Variants in ATG2A observed in about 807,000 individuals in gnomAD.
ATG2A encodes the protein autophagy-related protein 2 homolog A.
A neutral mutation model predicts 214.2 loss-of-function variants in ATG2A; 103 were observed. The observed-to-expected ratio is 0.48, with a 90% CI of 0.41 to 0.57. ATG2A has a LOEUF of 0.57. Ranked by LOEUF, ATG2A falls within the 20% of genes least tolerant of loss-of-function variation. The pLI is 0.00. For synonymous variants in ATG2A, 1,160 were observed against 1,142.1 expected, an observed-to-expected ratio of 1.02 and a Z score of -0.32; for missense variants, 2,312 against 2,613.2, an observed-to-expected ratio of 0.88 and a Z score of 2.51.
Position 64,906,812 on chromosome 11 carries a change from C to T in ATG2A, c.2836G>A (p.Glu946Lys). 1 of 1,612,712 alleles carries T rather than the reference C, an allele frequency of 6.2e-7. No individual in the cohort carries two copies. Among genetic ancestry groups the T allele is most frequent in the African/African-American group, 1.3e-5 (1 of 75,030 alleles). Residue 946 changes from glutamate to lysine, a missense_variant, in exon 20 of 41, where the codon GAG becomes AAG. Glu to Lys is a moderately conservative substitution (Grantham distance 56, BLOSUM62 1). Coordinates refer to ENST00000377264, the MANE Select transcript of ATG2A (RefSeq NM_015104.3). Reference protein sequence around the residue: ...RITALCETKDEGGKRLEAVHG... With the variant: ...RITALCETKDKGGKRLEAVHG... Reference sequence around the variant, plus strand: ...ACAGCCTCCAGCCGCTTCCCACCCTCATCCTGCAGAAGGAGCACACAGCCT... The same window carrying T: ...ACAGCCTCCAGCCGCTTCCCACCCTTATCCTGCAGAAGGAGCACACAGCCT...
rs1944123393 is a variant in ATG2A, at chr11:64,895,590, C to T, written c.5428-148G>A. ...GGGGGTCCTGCTCAGCCTCACTCCCCACTTCCTCCCACTCTTCCTCCCCTT... is the reference window on the plus strand; with the variant it reads ...GGGGGTCCTGCTCAGCCTCACTCCCTACTTCCTCCCACTCTTCCTCCCCTT... On this transcript the variant is annotated intron_variant, in intron 39 of 40. Transcript: ENST00000377264. This position sits in a 1 kb window ranked among gnomAD's most constrained non-coding sequence, Gnocchi z 5.0. The T allele has an allele frequency of 1.1e-6, 1 of 874,818 alleles. No homozygotes were observed. 54.2% of individuals were successfully genotyped at this position (874,818 alleles called of 1,614,324 possible).
At position 64,912,334 on chromosome 11, in the gene ATG2A, G is replaced by A; in HGVS notation, c.915C>T (p.Ser305=). 1.2e-6 allele frequency: 2 copies of A among 1,603,446 alleles called. No individual in the cohort carries two copies. The highest frequency in any genetic ancestry group is 2.2e-5 in the South Asian group (2 of 90,060). The change falls in exon 7 of 41, where the codon AGC becomes AGT. Residue 305 remains serine (S), a synonymous_variant. Transcript: ENST00000377264. ...QQLQELLSAV[S]LTDHEGLADK... The stretch of plus-strand genomic sequence containing the variant: ...GCCACCCAGGGGCCTCACCTGTAAG[G>A]CTCACGGCGCTGAGCAGTTCCTGAA...
In ATG2A at chr11:64,895,972, G is replaced by A. The variant is rs372086498; in HGVS notation, c.5427+490C>T. Among the ~76,000 whole-genome samples, 3 of 152,154 alleles carry A rather than the reference G, an allele frequency of 2.0e-5. No individual in the cohort carries two copies. Among genetic ancestry groups the A allele is most frequent in the Admixed American group, 6.5e-5 (1 of 15,270 alleles). ...CTCTGTCCTGTTGGGGTCTGAGCTT[G>A]CAGGTTCCAGAATGCACCATGCACC... On this transcript the variant is annotated intron_variant, in intron 39 of 40. Coordinates refer to ENST00000377264, the MANE Select transcript of ATG2A (RefSeq NM_015104.3). This position sits in a 1 kb window ranked among gnomAD's most constrained non-coding sequence, Gnocchi z 5.0.
intron 7 of ATG2A, 38 bp from the exon 8 acceptor site, chr11:64,912,287 C>CCG: frequency 2.5e-6 from 4 of 1,590,610 alleles, no homozygotes; most frequent in Non-Finnish European, 2.6e-6. Flanking sequence ...CTGGCTGGCC[C>CCG]TCCCAGCCAC....
rs751418069 is a variant in ATG2A, at chr11:64,897,971, C to A, written c.4862G>T (p.Arg1621Leu). Reference sequence around the variant, plus strand: ...GCTGGGCTGGGCTCGAGTCTCGGGGCGAGCTAGGGGAGGGGAGGTCACAGA... The same window carrying A: ...GCTGGGCTGGGCTCGAGTCTCGGGGAGAGCTAGGGGAGGGGAGGTCACAGA... The part of the protein sequence containing the change: ...VVPGETSAEA[R>L]PETRAQPSSP... The change falls in exon 35 of 41, where the codon CGC (arginine) becomes CTC (leucine). Residue 1621 changes from arginine (R) to leucine (L), a missense_variant. Physicochemically the swap from Arg to Leu is moderately radical, Grantham distance 102. Transcript: ENST00000377264. 6.4e-7 allele frequency: 1 copy of A among 1,554,238 alleles called. No homozygotes were observed. Among genetic ancestry groups the A allele is most frequent in the Non-Finnish European group, 8.7e-7 (1 of 1,153,162 alleles).
rs183076129 is a variant in ATG2A at position 64,909,668 on chromosome 11, C to T, written c.2107+13G>A. The T allele has an allele frequency of 1.8e-4, 289 of 1,608,552 alleles. 3 individuals are homozygous for T. The East Asian group carries it at 6.3e-3, about 35-fold the overall frequency. ...GCCTCTTGCCCCAAGTTCTGTCACT[C>T]GGGGGCTCTCACCATGTAGGTCGGA... On this transcript the variant is annotated intron_variant, in intron 14 of 40. Transcript: ENST00000377264.
intron 31 of ATG2A, among the ~76,000 whole-genome samples, chr11:64,899,091 G>C (rs1944263126): frequency 6.6e-6 from 1 of 152,194 alleles, no homozygotes; most frequent in Non-Finnish European, 1.5e-5. Context: ...TTTTAGTAGA[G>C]ACAGGGTTTC....
chr11:64,915,628 C>A (rs1175755133), intron 1 of ATG2A, among the ~76,000 whole-genome samples: 4 of 152,048 alleles, frequency 2.6e-5, no homozygotes, highest in Non-Finnish European at 5.9e-5. Context: ...CAATTCAATC[C>A]CCAACAAGAG....
Position 64,907,361 on chromosome 11 carries a change from C to A in ATG2A, c.2726G>T (p.Gly909Val), listed in dbSNP as rs367687085. 1.3e-6 allele frequency: 2 copies of A among 1,559,198 alleles called. No individual in the cohort carries two copies. Among genetic ancestry groups the A allele is most frequent in the Admixed American group, 1.9e-5 (1 of 51,844 alleles). ...GGCCTCAGGGGCAGCGGCCTGTGGG[C>A]CACCTGATGCCCCCACTGAGAAGAA... ...AHFFSVGASG[G>V]PQAAAPEAPS... The change falls in exon 19 of 41, where the codon GGC becomes GTC. Residue 909 changes from glycine to valine, a missense_variant. Coordinates refer to ENST00000377264, the MANE Select transcript of ATG2A (RefSeq NM_015104.3).
At chr11:64,897,367 G>A in intron 37 of ATG2A, 45 bp downstream of exon 37, 1 of 1,545,280 alleles carries the variant, frequency 6.5e-7, no homozygotes, top group Non-Finnish European at 8.8e-7. Context: ...AGAACAGAAG[G>A]AAGATCAGGG....
intron 37 of ATG2A, 88 bp downstream of exon 37, chr11:64,897,324 G>T: frequency 6.9e-7 from 1 of 1,452,588 alleles, no homozygotes; most frequent in Non-Finnish European, 9.4e-7. Flanking sequence ...GAAGGGTGAT[G>T]ACTTGGCCAA....
chr11:64,909,430 GC>G, intron 14 of ATG2A, 63 bp from the exon 15 acceptor site: 1 of 1,533,632 alleles, frequency 6.5e-7, no homozygotes, highest in Non-Finnish European at 9.0e-7. Context: ...CTTCCCCAAT[GC>G]CCAGGTCGGC....
Position 64,910,035 on chromosome 11 carries a change from C to A in ATG2A, c.1863+5G>T. The A allele has an allele frequency of 6.4e-7, 1 of 1,571,068 alleles. No individual in the cohort carries two copies. Among genetic ancestry groups the A allele is most frequent in the Non-Finnish European group, 8.6e-7 (1 of 1,159,620 alleles). ...CCCGGCCTGGCCCTGGCAGGGGCCT[C>A]TCACCAGCAGGCCGGCTGGAGGCTC... On this transcript the variant is annotated splice_donor_5th_base_variant and intron_variant, in intron 13 of 40. Transcript: ENST00000377264.
At chr11:64,905,468 G>T in intron 24 of ATG2A, 95 bp downstream of exon 24, 1 of 1,284,890 alleles carries the variant, frequency 7.8e-7, no homozygotes, top group Non-Finnish European at 1.1e-6. Context: ...TCACCCGGGT[G>T]TACATTAAGA....
intron 19 of ATG2A, 30 bp from the exon 20 acceptor site, chr11:64,906,845 C>T: frequency 6.2e-7 from 1 of 1,602,080 alleles, no homozygotes; most frequent in Non-Finnish European, 8.5e-7. Context: ...CCTGGCTTCC[C>T]CAGCTGCACT....
At position 64,900,544 on chromosome 11, in the gene ATG2A, C is replaced by A. The variant is rs762895413; in HGVS notation, c.4414G>T (p.Gly1472Trp). The change falls in exon 31 of 41, where the codon GGG becomes TGG. Residue 1472 changes from glycine to tryptophan, a missense_variant. Coordinates refer to ENST00000377264, the MANE Select transcript of ATG2A (RefSeq NM_015104.3). ...ACATGGTGCTGCCGCCCGCTGCCCC[C>A]CTGCGTGCGCCATGAGTTCTGGGGC... ...NRPQNSWRTQ[G>W]GSGRQHHVLM... 33 of 1,613,304 alleles carry A rather than the reference C, an allele frequency of 2.0e-5. No homozygotes were observed. Among genetic ancestry groups the A allele is most frequent in the Middle Eastern group, 1.6e-4 (1 of 6,084 alleles).
intron 26 of ATG2A, among the ~76,000 whole-genome samples, chr11:64,902,899 G>A (rs897485272): frequency 6.6e-6 from 1 of 152,144 alleles, no homozygotes; most frequent in Non-Finnish European, 1.5e-5. Flanking sequence ...GCCATCCAAG[G>A]AAGCAGGAGT....
chr11:64,913,724 T>C lies in ATG2A; in HGVS notation c.590+97A>G. ...CACCGAGGCCCATCCAGATCCACCC[T>C]GCCTCTTCCCAGGAACCTAGGCTGC... On this transcript the variant is annotated intron_variant, in intron 4 of 40. Transcript: ENST00000377264. The surrounding 1 kb of genome is among the most constrained non-coding windows in gnomAD (Gnocchi z 4.3). 7.9e-7 allele frequency: 1 copy of C among 1,258,032 alleles called. No homozygotes were observed. Among genetic ancestry groups the C allele is most frequent in the South Asian group, 1.3e-5 (1 of 78,846 alleles). The allele number at this position is 1,258,032 out of a possible 1,614,324, so 77.9% of individuals were successfully genotyped here.
chr11:64,895,327 C>CGCAGGTCG lies in ATG2A; in HGVS notation c.5535_5542dup (p.Arg1848ProfsTer38). ...GTCGTAGGCCTTGGCCACACCCTCC[C>CGCAGGTCG]GCAGGTCGGCAGGCTGCTGGCCCCT... is the stretch of plus-strand genomic sequence containing the variant. On this transcript the variant is annotated frameshift_variant, in exon 40 of 41. Transcript: ENST00000377264. LOFTEE classifies it high-confidence loss of function. The surrounding 1 kb of genome is among the most constrained non-coding windows in gnomAD (Gnocchi z 5.0). 4 of 1,613,390 alleles carry CGCAGGTCG rather than the reference C, an allele frequency of 2.5e-6. No homozygotes were observed. The highest frequency in any genetic ancestry group is 3.4e-6 in the Non-Finnish European group (4 of 1,179,868).
Sources: allele counts gnomAD v4.1 joint callset (sites outside exome capture counted in the v4.1 genomes callset), GRCh38; gene constraint gnomAD v4.1.1; non-coding constraint Gnocchi (gnomAD v3.1); transcripts MANE v1.5; gene names NCBI Gene and HGNC (gene_info 2026-07-23, HGNC 2026-07-21).